Variants in MAPK8IP3 observed in about 807,000 individuals in gnomAD.
The protein encoded by MAPK8IP3 is C-Jun-amino-terminal kinase-interacting protein 3.
In MAPK8IP3, 49 loss-of-function variants were observed where a neutral mutation model predicts 157.8. The ratio of observed to expected loss-of-function variants is 0.31; its 90% CI spans 0.25 to 0.39. The LOEUF is 0.39. MAPK8IP3 is among the 10% of genes least tolerant of loss of function. The pLI, the probability that MAPK8IP3 is intolerant of heterozygous loss-of-function variation, is 1.00. For synonymous variants in MAPK8IP3, 897 were observed against 777.7 expected (o/e 1.15, Z -2.55); for missense variants, 1,478 against 1,889.4 (o/e 0.78, Z 4.04).
chr16:1,734,340 A>G (rs9921895), intron 4 of MAPK8IP3, among the ~76,000 whole-genome samples: 47,511 of 152,086 alleles, frequency 0.31, 9,213 homozygotes, highest in African/African-American at 0.54. Context: ...CGGCGGTGGT[A>G]CTGAGCCGCA....
At chr16:1,766,836 CG>C (rs2042294932) in intron 24 of MAPK8IP3, 33 bp downstream of exon 24, 1 of 1,612,128 alleles carries the variant, frequency 6.2e-7, no homozygotes, top group African/African-American at 1.3e-5. Context: ...CCGGGCGGCG[CG>C]GGGGAACGGG....
intron 8 of MAPK8IP3, among the ~76,000 whole-genome samples, chr16:1,756,442 G>A (rs543941228): frequency 7.9e-5 from 12 of 151,794 alleles, no homozygotes; most frequent in South Asian, 4.2e-4. Flanking sequence ...GAGGTGGATC[G>A]CGCCACTTCA....
At position 1,706,550 on chromosome 16, in the gene MAPK8IP3, A is replaced by C; in HGVS notation, c.211A>C (p.Ser71Arg). ...NVLENLDSVL[S>R]ENQEHEVELE... ...GCTGGAGAACCTAGACTCGGTGCTC[A>C]GCGAGAACCAGGAGCACGAGGTGGA... is the stretch of plus-strand genomic sequence containing the variant. The change falls in exon 1 of 32, where the codon AGC becomes CGC. Residue 71 changes from serine to arginine, a missense_variant. Transcript: ENST00000610761. The surrounding 1 kb of genome is among the most constrained non-coding windows in gnomAD (Gnocchi z 5.1). 6.2e-7 allele frequency: 1 copy of C among 1,613,626 alleles called. No individual in the cohort carries two copies. The highest frequency in any genetic ancestry group is 8.5e-7 in the Non-Finnish European group (1 of 1,179,814).
chr16:1,729,098 A>G (rs566902430), intron 2 of MAPK8IP3, 40 bp from the exon 3 acceptor site: 1 of 1,583,666 alleles, frequency 6.3e-7, no homozygotes, highest in Non-Finnish European at 8.7e-7. Flanking sequence ...GGCCATGGAG[A>G]AGCGTCTTGT....
rs1474039944 is a variant in MAPK8IP3 at position 1,764,085 on chromosome 16, G to A, written c.2026-30G>A. ...GAGGGATGGGTAGGAGCCAGGGTTC[G>A]TGCCCACGGCGCCTCCCTGCTCCCT... On this transcript the variant is annotated intron_variant, in intron 17 of 31. Transcript: ENST00000610761. 5 of 1,565,390 alleles carry A rather than the reference G, an allele frequency of 3.2e-6. 1 individual carries two copies. The highest frequency in any genetic ancestry group is 4.3e-6 in the Non-Finnish European group (5 of 1,151,808).
rs575467579 is a variant in MAPK8IP3 at position 1,708,416 on chromosome 16, G to A, written c.318+1759G>A. Among the ~76,000 whole-genome samples, 5 of 152,360 alleles carry A rather than the reference G, an allele frequency of 3.3e-5. No homozygotes were observed. In the East Asian group the frequency reaches 7.7e-4, roughly 23 times the overall value. On this transcript the variant is annotated intron_variant, in intron 1 of 31. Transcript: ENST00000610761. ...ACTCAGTGGCCTGACCTGGATTTCA[G>A]GTGGGTTTCTTTTTTTCACCTTGTA... is the stretch of plus-strand genomic sequence containing the variant.
Position 1,706,653 on chromosome 16 carries a change from A to G in MAPK8IP3, c.314A>G (p.Glu105Gly). ...EREKALRRQA[E>G]EKFIEFEDAL... ...GAGAAGGCGCTGCGCAGGCAGGCGG[A>G]GGAGGTGCGTGGGCCGCGGGACCCG... The change falls in exon 1 of 32, where the codon GAG (glutamate) becomes GGG (glycine). Residue 105 changes from glutamate to glycine, a missense_variant. Physicochemically the swap from Glu to Gly is moderately conservative, Grantham distance 98 (BLOSUM62 -2). Around this residue, in one of 11 missense-constraint regions of MAPK8IP3, gnomAD observed 65 missense variants for 161.8 expected, o/e 0.40. Transcript: ENST00000610761. This position sits in a 1 kb window ranked among gnomAD's most constrained non-coding sequence, Gnocchi z 5.1. The G allele has an allele frequency of 6.5e-7, 1 of 1,543,946 alleles. No individual in the cohort carries two copies. The highest frequency in any genetic ancestry group is 8.7e-7 in the Non-Finnish European group (1 of 1,145,298).
chr16:1,762,696 C>T lies in MAPK8IP3; in HGVS notation c.1692C>T (p.Ser564=), dbSNP rs370939661. ...GCAGAGCGTCCCGAGAGCACCCATC[C>T]GTCCAGGAGAAGAAGAAGTCGACCA... ...EMIRASREHP[S]VQEKKKSTIW... Residue 564 remains serine, a synonymous_variant, in exon 15 of 32, where the codon TCC becomes TCT. Transcript: ENST00000610761. 173 of 1,564,260 alleles carry T rather than the reference C, an allele frequency of 1.1e-4. 1 individual carries two copies. The highest frequency in any genetic ancestry group is 1.4e-4 in the Non-Finnish European group (159 of 1,153,080).
intron 10 of MAPK8IP3, among the ~76,000 whole-genome samples, chr16:1,759,209 A>T (rs1405737532): frequency 6.6e-6 from 1 of 152,148 alleles, no homozygotes; most frequent in Non-Finnish European, 1.5e-5. Context: ...AGGCCCGAGG[A>T]GGGCAGCCCC....
chr16:1,742,005 GC>G lies in MAPK8IP3; in HGVS notation c.603-1325del, dbSNP rs1316625102. 6.6e-6 allele frequency among the ~76,000 whole-genome samples: 1 copy of G among 152,154 alleles called. No homozygotes were observed. The highest frequency in any genetic ancestry group is 2.4e-5 in the African/African-American group (1 of 41,432). On this transcript the variant is annotated intron_variant, in intron 4 of 31. Coordinates refer to ENST00000610761, the MANE Select transcript of MAPK8IP3 (RefSeq NM_001318852.2). The surrounding 1 kb of genome is among the most constrained non-coding windows in gnomAD (Gnocchi z 5.0). ...TCGCCGTCTGCATCCTCCAGGCATG[GC>G]CAGAGCAGGTTCCTTGAACCCCTGA...
chr16:1,753,430 ATTATTTATTTAT>A (rs66609027), intron 8 of MAPK8IP3, among the ~76,000 whole-genome samples: 1 of 148,448 alleles, frequency 6.7e-6, no homozygotes, highest in African/African-American at 2.5e-5. Flanking sequence ...CCCACATACC[ATTATTTATTTAT>A]TTATTTATTT....
chr16:1,740,585 C>A (rs1229533989), intron 4 of MAPK8IP3, among the ~76,000 whole-genome samples: 1 of 152,224 alleles, frequency 6.6e-6, no homozygotes, highest in Non-Finnish European at 1.5e-5. Context: ...TGCTGACCAT[C>A]CATGTGGCGT....
chr16:1,739,870 G>T (rs796791688), intron 4 of MAPK8IP3, among the ~76,000 whole-genome samples: 12 of 122,222 alleles, frequency 9.8e-5, no homozygotes, highest in African/African-American at 3.9e-4. Flanking sequence ...GTGTGAGCCT[G>T]TGAGCATCCG....
intron 2 of MAPK8IP3, among the ~76,000 whole-genome samples, chr16:1,726,857 C>T (rs916065597): frequency 8.5e-5 from 13 of 152,226 alleles, no homozygotes; most frequent in Non-Finnish European, 1.8e-4. Context: ...TCTCCCGGGG[C>T]CACAGCCGTT....
At chr16:1,736,509 ACCGTCCGTGTGTGACCGT>A (rs1567164354) in intron 4 of MAPK8IP3, among the ~76,000 whole-genome samples, 1 of 28,500 alleles carries the variant, frequency 3.5e-5, no homozygotes, top group Non-Finnish European at 5.6e-5. Flanking sequence ...TGAGCGTGTG[ACCGTCCGTGTGTGACCGT>A]CCGTGTGAGC....
intron 1 of MAPK8IP3, chr16:1,714,002 C>G (rs1014193875): frequency 3.3e-5 from 5 of 152,266 alleles, no homozygotes; most frequent in African/African-American, 1.2e-4. Context: ...AACCACTGAC[C>G]TGCCTTCAGT....
chr16:1,766,201 C>G lies in MAPK8IP3; in HGVS notation c.2630-19C>G. 1 of 1,604,226 alleles carries G rather than the reference C, an allele frequency of 6.2e-7. No homozygotes were observed. The highest frequency in any genetic ancestry group is 8.5e-7 in the Non-Finnish European group (1 of 1,174,142). On this transcript the variant is annotated intron_variant, in intron 21 of 31. Coordinates refer to ENST00000610761, the MANE Select transcript of MAPK8IP3 (RefSeq NM_001318852.2). ...TTCCCACGTTTCTGCCCAGCCCAAG[C>G]TCACCTCTCCTAACACAGGGGAGGT... is the stretch of plus-strand genomic sequence containing the variant.
In MAPK8IP3 at chr16:1,729,460, C is replaced by T. The variant is rs763042339; in HGVS notation, c.511-27C>T. The T allele has an allele frequency of 8.8e-6, 14 of 1,598,758 alleles. No individual in the cohort carries two copies. The East Asian group carries it at 2.9e-4, about 33-fold the overall frequency. ...ACGGAGACAGCCCCCCACGGCAGCG[C>T]TAATGCAGGCGTTTCCCTCCTCGCA... is the stretch of plus-strand genomic sequence containing the variant. On this transcript the variant is annotated intron_variant, in intron 3 of 31. Transcript: ENST00000610761.
At chr16:1,747,810 C>G (rs551310852) in intron 6 of MAPK8IP3, among the ~76,000 whole-genome samples, 2 of 151,546 alleles carry the variant, frequency 1.3e-5, no homozygotes. Flanking sequence ...TAACCTGCAT[C>G]GCCCCACGGC....
Sources: allele counts gnomAD v4.1 joint callset (sites outside exome capture counted in the v4.1 genomes callset), GRCh38; gene constraint gnomAD v4.1.1; regional missense constraint gnomAD v4.1.1; non-coding constraint Gnocchi (gnomAD v3.1); transcripts MANE v1.5; gene names NCBI Gene and HGNC (gene_info 2026-07-23, HGNC 2026-07-21).